The following RBFOX1 variants were observed in gnomAD, a reference collection of about 807,000 sequenced individuals.
RBFOX1 encodes the protein RNA binding protein fox-1 homolog 1.
RBFOX1 carries 8 observed loss-of-function variants against 57.7 expected under a neutral mutation model. The ratio of observed to expected loss-of-function variants is 0.14; its 90% confidence interval spans 0.08 to 0.25. The LOEUF (loss-of-function observed/expected upper bound fraction) is 0.25, where lower values mean the gene tolerates loss of function less well. Ranked by LOEUF, RBFOX1 falls within the 10% of genes least tolerant of loss-of-function variation. The pLI is 1.00. For missense variants in RBFOX1, 611 were observed against 548.5 expected (o/e 1.11, Z -1.14); for synonymous variants, 326 against 222.4 (o/e 1.47, Z -4.15).
At chr16:7,001,063 G>C (rs1194569630) in intron 3 of RBFOX1, among the ~76,000 whole-genome samples, 1 of 152,046 alleles carries the variant, frequency 6.6e-6, no homozygotes, top group African/African-American at 2.4e-5. Flanking sequence ...ATCTTTTACT[G>C]ATTCTTTGCT....
intron 3 of RBFOX1, among the ~76,000 whole-genome samples, chr16:6,833,474 T>A (rs529234323): frequency 6.6e-6 from 1 of 152,274 alleles, no homozygotes; most frequent in Admixed American, 6.5e-5. Flanking sequence ...GCCTCAAGCT[T>A]TATTTTAGCT....
At chr16:6,526,055 T>A (rs975367868) in intron 2 of RBFOX1, among the ~76,000 whole-genome samples, 6 of 152,204 alleles carry the variant, frequency 3.9e-5, no homozygotes, top group Non-Finnish European at 8.8e-5. Flanking sequence ...GGTGTTCTCA[T>A]CACTTACATG....
At chr16:6,001,705 T>G (rs893469281) in intron 4 of RBFOX1, among the ~76,000 whole-genome samples, 1 of 152,232 alleles carries the variant, frequency 6.6e-6, no homozygotes, top group African/African-American at 2.4e-5. Flanking sequence ...AATACATTAA[T>G]TTAAATAAGG....
chr16:5,675,675 A>T (rs2050146293), intron 3 of RBFOX1, among the ~76,000 whole-genome samples: 1 of 152,152 alleles, frequency 6.6e-6, no homozygotes, highest in South Asian at 2.1e-4. Flanking sequence ...GGCCCAGCCT[A>T]TGGATTTGCA....
intron 1 of RBFOX1, among the ~76,000 whole-genome samples, chr16:5,372,015 C>G (rs1377213582): frequency 6.6e-6 from 1 of 152,186 alleles, no homozygotes; most frequent in Non-Finnish European, 1.5e-5. Flanking sequence ...GGGGAATCCT[C>G]TTTTAAGATG....
intron 4 of RBFOX1, among the ~76,000 whole-genome samples, chr16:7,107,579 A>G (rs1037339045): frequency 6.6e-6 from 1 of 152,090 alleles, no homozygotes; most frequent in Non-Finnish European, 1.5e-5. Context: ...GGTAGTGAAC[A>G]TCTGTCACCC....
At chr16:6,220,729 C>CG (rs1567708154) in intron 1 of RBFOX1, among the ~76,000 whole-genome samples, 8 of 90,544 alleles carry the variant, frequency 8.8e-5, no homozygotes, top group South Asian at 3.8e-4. Context: ...ACCGCCCCCC[C>CG]CCAGTGGAAA....
chr16:6,934,714 A>C (rs2077086430), intron 3 of RBFOX1, among the ~76,000 whole-genome samples: 1 of 152,098 alleles, frequency 6.6e-6, no homozygotes, highest in Non-Finnish European at 1.5e-5. Flanking sequence ...TTTTTCTTTA[A>C]AGGAAAAAGC....
chr16:7,284,509 C>A (rs938663952), intron 4 of RBFOX1, among the ~76,000 whole-genome samples: 5 of 151,862 alleles, frequency 3.3e-5, no homozygotes, highest in Middle Eastern at 3.2e-3. Flanking sequence ...TTTTTAACTT[C>A]TTGTAGAGAT....
intron 11 of RBFOX1, among the ~76,000 whole-genome samples, chr16:7,632,566 T>C (rs2061147023): frequency 6.6e-6 from 1 of 152,234 alleles, no homozygotes; most frequent in South Asian, 2.1e-4. Context: ...TTCAGCTACC[T>C]TTCTGAGTCC....
intron 2 of RBFOX1, among the ~76,000 whole-genome samples, chr16:5,522,033 G>T (rs2044040288): frequency 6.6e-6 from 1 of 152,196 alleles, no homozygotes; most frequent in African/African-American, 2.4e-5. Context: ...CAGCACCCGG[G>T]ATTCGACTGG....
chr16:5,349,320 G>C (rs1367118224), intron 1 of RBFOX1, among the ~76,000 whole-genome samples: 1 of 152,160 alleles, frequency 6.6e-6, no homozygotes, highest in Non-Finnish European at 1.5e-5. Context: ...TATGCAAGAT[G>C]CATATGTTGT....
chr16:5,255,505 C>T (rs564308709), intron 1 of RBFOX1, among the ~76,000 whole-genome samples: 1 of 151,614 alleles, frequency 6.6e-6, no homozygotes, highest in East Asian at 1.9e-4. Flanking sequence ...ACCATCTATC[C>T]ATCTACTTAC....
At chr16:6,272,460 A>G (rs1354772643) in intron 1 of RBFOX1, among the ~76,000 whole-genome samples, 1 of 152,186 alleles carries the variant, frequency 6.6e-6, no homozygotes, top group Non-Finnish European at 1.5e-5. Flanking sequence ...TTAAGGGGAG[A>G]CATCATTTTC....
At chr16:5,551,681 G>T (rs1030271548) in intron 2 of RBFOX1, among the ~76,000 whole-genome samples, 1 of 152,056 alleles carries the variant, frequency 6.6e-6, no homozygotes, top group African/African-American at 2.4e-5. Flanking sequence ...GTGCAGGTTT[G>T]TTACAGAGGT....
rs559954818 is a variant in RBFOX1, at chr16:6,323,418, A to G, written c.-64+6361A>G. On this transcript the variant is annotated intron_variant, in intron 2 of 15. Transcript: ENST00000550418. The stretch of plus-strand genomic sequence containing the variant: ...ACTGGACTGGAGGAGTTCTGAGGGC[A>G]TGGGGTGTGTCAGTCTTGCTTGCTT... 2.0e-5 allele frequency among the ~76,000 whole-genome samples: 3 copies of G among 152,294 alleles called. No homozygotes were observed. The South Asian group carries it at 6.2e-4, about 32-fold the overall frequency.
intron 7 of RBFOX1, 65 bp from the exon 8 acceptor site, chr16:7,595,484 A>G: frequency 7.8e-7 from 1 of 1,274,666 alleles, no homozygotes; most frequent in Admixed American, 2.0e-5. Flanking sequence ...AGAGAACATT[A>G]CCAAGTGGTC....
intron 4 of RBFOX1, among the ~76,000 whole-genome samples, chr16:7,405,961 T>C (rs1217214435): frequency 6.6e-6 from 1 of 152,128 alleles, no homozygotes; most frequent in Non-Finnish European, 1.5e-5. Flanking sequence ...GGGATGCAAC[T>C]GACATCGAGT....
chr16:7,012,310 G>A (rs1470956337), intron 3 of RBFOX1, among the ~76,000 whole-genome samples: 1 of 152,218 alleles, frequency 6.6e-6, no homozygotes, highest in Non-Finnish European at 1.5e-5. Context: ...TCTGGCAGGT[G>A]AGATCTCATA....
Sources: gnomAD v4.1 joint callset for allele counts (sites outside exome capture counted in the v4.1 genomes callset) on GRCh38, gnomAD v4.1.1 for gene constraint, MANE v1.5 for transcripts, NCBI Gene and HGNC (gene_info 2026-07-23, HGNC 2026-07-21) for gene names.